Variants in DENND4C observed in about 807,000 individuals in gnomAD.
The protein encoded by DENND4C is DENN domain containing 4C.
A neutral mutation model predicts 203.0 loss-of-function variants in DENND4C; 108 were observed. That is an observed-to-expected ratio of 0.53 (90% confidence interval 0.46 to 0.62). DENND4C has a LOEUF of 0.62. Among genes scored for constraint, DENND4C ranks in the 20% least tolerant of loss-of-function variants. DENND4C has a pLI of 0.00. For missense variants in DENND4C, 2,481 were observed against 2,301.2 expected (o/e 1.08, Z -1.60); for synonymous variants, 871 against 792.4 (o/e 1.10, Z -1.67).
chr9:19,313,462 C>CAG (rs1841144844), intron 10 of DENND4C, among the ~76,000 whole-genome samples: 1 of 152,040 alleles, frequency 6.6e-6, no homozygotes, highest in Non-Finnish European at 1.5e-5. Flanking sequence ...ACGTCAGGGC[C>CAG]AGATTACAAA....
In DENND4C at chr9:19,298,664, A is replaced by G. The variant is rs186071813; in HGVS notation, c.1107+542A>G. ...ATAGGAGAGAGGTCAGATTGTCATA[A>G]AAGTTGCTTAATGGTTTGCTCTTCA... On this transcript the variant is annotated intron_variant, in intron 7 of 32. Transcript: ENST00000434457. 2.1e-3 allele frequency among the ~76,000 whole-genome samples: 319 copies of G among 152,270 alleles called. 1 individual carries two copies. The Middle Eastern group carries it at 0.024, about 11-fold the overall frequency.
intron 3 of DENND4C, 88 bp downstream of exon 3, chr9:19,287,109 C>T: frequency 1.8e-6 from 2 of 1,112,824 alleles, no homozygotes; most frequent in Admixed American, 4.2e-5. Flanking sequence ...GGTATATACT[C>T]ACATTTTATA....
chr9:19,285,895 C>G (rs531654564), intron 2 of DENND4C, among the ~76,000 whole-genome samples: 2 of 152,214 alleles, frequency 1.3e-5, no homozygotes, highest in African/African-American at 2.4e-5. Context: ...TTTGGACACT[C>G]CATTTTATTC....
intron 1 of DENND4C, among the ~76,000 whole-genome samples, chr9:19,243,353 A>G (rs545885568): frequency 6.6e-6 from 1 of 152,324 alleles, no homozygotes; most frequent in East Asian, 1.9e-4. Flanking sequence ...AAATTCTGAC[A>G]AAATTAACAT....
rs539339252 is a variant in DENND4C at position 19,349,243 on chromosome 9, C to CA, written c.4318-1452dup. ...GCAACATGGTGAAACCCCATCTATA[C>CA]AAAAAAATACAAAAATTAGCTGGGC... On this transcript the variant is annotated intron_variant, in intron 23 of 32. Transcript: ENST00000434457. Among the ~76,000 whole-genome samples the CA allele has an allele frequency of 4.6e-5, 7 of 151,942 alleles. No homozygotes were observed. The South Asian group carries it at 1.2e-3, about 27-fold the overall frequency.
At chr9:19,288,799 A>AT in intron 4 of DENND4C, 134 bp downstream of exon 4, 1 of 447,044 alleles carries the variant, frequency 2.2e-6, no homozygotes, top group Non-Finnish European at 3.7e-6. Context: ...CTATAATTTT[A>AT]GCATATAAAG....
At chr9:19,369,513 A>C (rs1828348646) in intron 30 of DENND4C, among the ~76,000 whole-genome samples, 1 of 152,042 alleles carries the variant, frequency 6.6e-6, no homozygotes, top group Non-Finnish European at 1.5e-5. Flanking sequence ...ACAGTGGCTC[A>C]TGCCTGTAAC....
At chr9:19,254,417 G>A (rs955027807) in intron 1 of DENND4C, among the ~76,000 whole-genome samples, 1 of 152,186 alleles carries the variant, frequency 6.6e-6, no homozygotes, top group Admixed American at 6.5e-5. Context: ...ATAAAAAGAA[G>A]GAAATCCTGT....
intron 1 of DENND4C, among the ~76,000 whole-genome samples, chr9:19,256,087 G>GA (rs78567132): frequency 0.057 from 6,737 of 117,578 alleles, 417 homozygotes; most frequent in African/African-American, 0.17. Context: ...AAAAATAAAT[G>GA]AAAAAAAAAA....
rs1825832653 is a variant in DENND4C, at chr9:19,358,445, A to G, written c.5160+285A>G. Among the ~76,000 whole-genome samples the G allele has an allele frequency of 6.6e-6, 1 of 152,086 alleles. No individual in the cohort carries two copies. Among genetic ancestry groups the G allele is most frequent in the African/African-American group, 2.4e-5 (1 of 41,392 alleles). On this transcript the variant is annotated intron_variant, in intron 28 of 32. Transcript: ENST00000434457. The surrounding 1 kb of genome is among the most constrained non-coding windows in gnomAD (Gnocchi z 4.8). ...TTTTTTTGAGATTATTTTGAAGCAA[A>G]TTTCAAACATCACATATTCTGTTAG...
At chr9:19,352,027 A>G (rs375106878) in intron 24 of DENND4C, 46 bp from the exon 25 acceptor site, 7 of 1,534,220 alleles carry the variant, frequency 4.6e-6, no homozygotes, top group Non-Finnish European at 6.3e-6. Context: ...TTCAAAAAAC[A>G]AGGACATTCC....
At chr9:19,324,610 T>C (rs1382876786) in intron 13 of DENND4C, 103 bp downstream of exon 13, 2 of 1,222,576 alleles carry the variant, frequency 1.6e-6, no homozygotes, top group African/African-American at 3.1e-5. Flanking sequence ...GAAAACAGAG[T>C]AGGGTTGTGT....
In DENND4C at chr9:19,274,801, A is replaced by T. The variant is rs549144073; in HGVS notation, c.-17-1357A>T. ...TGCTTTAATGATATTTATTACTGTTACCTTAATTTTTCTGATCTTGGATCT... is the reference window on the plus strand; with the variant it reads ...TGCTTTAATGATATTTATTACTGTTTCCTTAATTTTTCTGATCTTGGATCT... On this transcript the variant is annotated intron_variant, in intron 1 of 32. Coordinates refer to ENST00000434457, the MANE Select transcript of DENND4C (RefSeq NM_001330640.2). Among the ~76,000 whole-genome samples the T allele has an allele frequency of 4.1e-4, 62 of 152,254 alleles. 1 individual carries two copies. In the South Asian group the frequency reaches 0.011, roughly 28 times the overall value.
intron 27 of DENND4C, 137 bp downstream of exon 27, chr9:19,357,291 A>G: frequency 1.4e-6 from 1 of 717,400 alleles, no homozygotes; most frequent in Non-Finnish European, 2.3e-6. Flanking sequence ...ATTACCACAT[A>G]GTGTTTAACG....
intron 2 of DENND4C, among the ~76,000 whole-genome samples, chr9:19,283,055 A>G (rs531193213): frequency 2.6e-5 from 4 of 151,908 alleles, no homozygotes; most frequent in Non-Finnish European, 5.9e-5. Flanking sequence ...TTTTGCAAAG[A>G]TGAGGTCCTC....
chr9:19,327,913 G>T, intron 15 of DENND4C, 117 bp from the exon 16 acceptor site: 1 of 959,644 alleles, frequency 1.0e-6, no homozygotes. Flanking sequence ...TTCTATATAA[G>T]CATTTAAAAT....
intron 30 of DENND4C, among the ~76,000 whole-genome samples, chr9:19,366,761 A>G (rs1433716156): frequency 3.3e-5 from 5 of 152,204 alleles, no homozygotes; most frequent in Non-Finnish European, 7.3e-5. Context: ...TTAGAAGAAA[A>G]CATAGGAGTA....
chr9:19,354,853 G>A (rs1341387308), intron 26 of DENND4C, among the ~76,000 whole-genome samples: 2 of 150,992 alleles, frequency 1.3e-5, no homozygotes, highest in Non-Finnish European at 3.0e-5. Context: ...GCCTGCTCTA[G>A]CATTTTCTAT....
At chr9:19,280,305 C>G (rs1446377818) in intron 2 of DENND4C, among the ~76,000 whole-genome samples, 2 of 152,074 alleles carry the variant, frequency 1.3e-5, no homozygotes, top group Non-Finnish European at 2.9e-5. Context: ...CACCACCACG[C>G]CCAGCTAACT....
Sources: gnomAD v4.1 joint callset for allele counts (sites outside exome capture counted in the v4.1 genomes callset) on GRCh38, gnomAD v4.1.1 for gene constraint, Gnocchi (gnomAD v3.1) non-coding constraint, MANE v1.5 for transcripts, NCBI Gene and HGNC (gene_info 2026-07-23, HGNC 2026-07-21) for gene names.